Variants in CDH12 observed in about 807,000 individuals in gnomAD.
CDH12 encodes the protein cadherin 12.
CDH12 carries 41 observed loss-of-function variants against 74.1 expected under a neutral mutation model. The observed-to-expected ratio is 0.55, with a 90% CI of 0.43 to 0.72. The LOEUF is 0.72. CDH12 is among the 30% of genes least tolerant of loss of function. The probability of loss-of-function intolerance (pLI) is 0.00; values close to 1 mark genes in which losing one functional copy is unlikely to be tolerated. For synonymous variants in CDH12, 399 were observed against 355.0 expected (o/e 1.12, Z -1.39); for missense variants, 945 against 977.2 (o/e 0.97, Z 0.44).
At chr5:21,902,666 A>G (rs115041576) in intron 6 of CDH12, among the ~76,000 whole-genome samples, 6,426 of 152,312 alleles carry the variant, frequency 0.042, 182 homozygotes, top group Non-Finnish European at 0.062. Context: ...AATGTTCTCT[A>G]TCTGCTCTGA....
chr5:22,600,013 A>G (rs1290310192), intron 1 of CDH12, among the ~76,000 whole-genome samples: 3 of 152,094 alleles, frequency 2.0e-5, no homozygotes, highest in Admixed American at 2.0e-4. Flanking sequence ...TACTTAAAAT[A>G]TTATTCACAG....
intron 10 of CDH12, among the ~76,000 whole-genome samples, chr5:21,787,525 T>C (rs72739943): frequency 0.025 from 3,817 of 152,304 alleles, 80 homozygotes; most frequent in Middle Eastern, 0.078. Context: ...TGTTTATATG[T>C]ACTGGCAAAC....
chr5:21,769,822 T>C (rs1242003032), intron 11 of CDH12, among the ~76,000 whole-genome samples: 1 of 152,202 alleles, frequency 6.6e-6, no homozygotes, highest in Non-Finnish European at 1.5e-5. Flanking sequence ...TGATGTAATC[T>C]ATTGAGATTC....
chr5:21,775,992 A>G (rs945721327), intron 11 of CDH12, among the ~76,000 whole-genome samples: 1 of 152,136 alleles, frequency 6.6e-6, no homozygotes, highest in Non-Finnish European at 1.5e-5. Flanking sequence ...TCCTTTAAGT[A>G]TGGTCTGAAG....
intron 5 of CDH12, among the ~76,000 whole-genome samples, chr5:22,013,873 T>TA (rs1211489305): frequency 6.6e-6 from 1 of 151,992 alleles, no homozygotes; most frequent in Non-Finnish European, 1.5e-5. Flanking sequence ...TAGAAAAAAA[T>TA]AATGAAGTAA....
chr5:22,579,245 A>G (rs943302958), intron 1 of CDH12, among the ~76,000 whole-genome samples: 1 of 152,160 alleles, frequency 6.6e-6, no homozygotes, highest in African/African-American at 2.4e-5. Flanking sequence ...TCCCTAGGAG[A>G]CACTGTGCTT....
intron 1 of CDH12, chr5:22,580,585 AC>A (rs1161403683): frequency 4.2e-6 from 2 of 472,100 alleles, no homozygotes; most frequent in African/African-American, 4.0e-5. Flanking sequence ...CACTCCATAA[AC>A]TTTTGGATTT....
intron 6 of CDH12, among the ~76,000 whole-genome samples, chr5:21,892,675 T>G (rs1395669691): frequency 1.3e-5 from 2 of 152,088 alleles, no homozygotes; most frequent in Non-Finnish European, 2.9e-5. Context: ...TTGCATCAGT[T>G]TACCTACAAT....
At chr5:22,343,036 G>T (rs774679861) in intron 3 of CDH12, among the ~76,000 whole-genome samples, 3 of 151,712 alleles carry the variant, frequency 2.0e-5, no homozygotes, top group Non-Finnish European at 4.4e-5. Flanking sequence ...TGTATTTTTA[G>T]TAGAGACGGG....
intron 4 of CDH12, among the ~76,000 whole-genome samples, chr5:22,170,948 A>G (rs903969754): frequency 6.6e-6 from 1 of 151,934 alleles, no homozygotes; most frequent in African/African-American, 2.4e-5. Context: ...AGAATTCGTG[A>G]TCATCTAAAA....
At chr5:22,642,934 T>C (rs376973133) in intron 1 of CDH12, among the ~76,000 whole-genome samples, 1 of 152,194 alleles carries the variant, frequency 6.6e-6, no homozygotes, top group Admixed American at 6.5e-5. Flanking sequence ...TTTTCGTTAC[T>C]GTGCAAGTGA....
At chr5:22,429,449 C>A (rs1744077349) in intron 2 of CDH12, among the ~76,000 whole-genome samples, 1 of 152,008 alleles carries the variant, frequency 6.6e-6, no homozygotes, top group Admixed American at 6.6e-5. Context: ...ATCTCAACTT[C>A]TTTTAAAACT....
chr5:22,628,723 G>T (rs1355767382), intron 1 of CDH12, among the ~76,000 whole-genome samples: 1 of 152,088 alleles, frequency 6.6e-6, no homozygotes, highest in Admixed American at 6.6e-5. Flanking sequence ...GTCAAAGCTA[G>T]CAGAGGACAA....
At chr5:22,574,073 C>CTTTTTTTTTT (rs543910610) in intron 1 of CDH12, among the ~76,000 whole-genome samples, 5 of 87,460 alleles carry the variant, frequency 5.7e-5, no homozygotes, top group Non-Finnish European at 8.6e-5. Context: ...GTCTCTCTCT[C>CTTTTTTTTTT]TTTTTTTTTT....
intron 1 of CDH12, among the ~76,000 whole-genome samples, chr5:22,815,629 G>C (rs28439636): frequency 0.025 from 3,728 of 151,710 alleles, 153 homozygotes; most frequent in African/African-American, 0.086. Flanking sequence ...AATTAGCCGG[G>C]CATGGTGGTG....
intron 3 of CDH12, among the ~76,000 whole-genome samples, chr5:22,215,279 T>C (rs1164837361): frequency 6.6e-6 from 1 of 152,170 alleles, no homozygotes; most frequent in East Asian, 1.9e-4. Context: ...TTCCCAAATG[T>C]TAAAACTGAT....
intron 8 of CDH12, among the ~76,000 whole-genome samples, chr5:21,832,785 T>A (rs1280969296): frequency 9.3e-6 from 1 of 108,006 alleles, no homozygotes; most frequent in Non-Finnish European, 1.7e-5. Context: ...TATTAATATA[T>A]ATCATATAAT....
intron 6 of CDH12, among the ~76,000 whole-genome samples, chr5:21,915,306 T>C (rs1267948897): frequency 3.3e-5 from 5 of 152,132 alleles, no homozygotes; most frequent in Admixed American, 6.6e-5. Flanking sequence ...AATGGTTTTT[T>C]AGTAGTATGT....
intron 4 of CDH12, among the ~76,000 whole-genome samples, chr5:22,200,188 C>A (rs556422961): frequency 8.3e-4 from 127 of 152,196 alleles, no homozygotes; most frequent in Middle Eastern, 3.4e-3. Flanking sequence ...TTCTCAAACA[C>A]AAGAGATCAA....
Sources: gnomAD v4.1 joint callset for allele counts (sites outside exome capture counted in the v4.1 genomes callset) on GRCh38, gnomAD v4.1.1 for gene constraint, MANE v1.5 for transcripts, NCBI Gene and HGNC (gene_info 2026-07-23, HGNC 2026-07-21) for gene names.